PALM2AKAP2: variants seen among roughly 807,000 people sequenced by gnomAD.
PALM2AKAP2 encodes PALM2 and AKAP2 fusion.
Under a neutral mutation model 71.5 loss-of-function variants are expected in PALM2AKAP2, and 37 were observed. The observed-to-expected ratio is 0.52, with a 90% CI of 0.40 to 0.68. The LOEUF (loss-of-function observed/expected upper bound fraction) is 0.68, where lower values mean the gene tolerates loss of function less well. Among genes scored for constraint, PALM2AKAP2 ranks in the 30% least tolerant of loss-of-function variants. The pLI is 0.00. For missense variants in PALM2AKAP2, 1,224 were observed against 1,191.8 expected (o/e 1.03, Z -0.40); for synonymous variants, 468 against 478.8 (o/e 0.98, Z 0.29).
intron 6 of PALM2AKAP2, among the ~76,000 whole-genome samples, chr9:109,987,317 G>C (rs769552952): frequency 7.2e-5 from 11 of 152,082 alleles, no homozygotes; most frequent in Non-Finnish European, 1.0e-4. Flanking sequence ...TTTTAGTAGA[G>C]AGGGGGTTTC....
At chr9:109,998,633 G>T (rs1472210392) in intron 6 of PALM2AKAP2, among the ~76,000 whole-genome samples, 3 of 135,900 alleles carry the variant, frequency 2.2e-5, no homozygotes, top group Admixed American at 7.3e-5. Context: ...GGGCGGGGGA[G>T]TGGGGAGCCT....
chr9:109,710,946 C>G (rs1474553393), intron 1 of PALM2AKAP2, among the ~76,000 whole-genome samples: 1 of 149,962 alleles, frequency 6.7e-6, no homozygotes. Flanking sequence ...TCCAACGTGG[C>G]CACAATTTGA....
At chr9:109,992,411 T>C (rs1320398112) in intron 6 of PALM2AKAP2, among the ~76,000 whole-genome samples, 1 of 152,186 alleles carries the variant, frequency 6.6e-6, no homozygotes, top group Non-Finnish European at 1.5e-5. Context: ...AAAATATCTT[T>C]TTAATTTTAT....
intron 6 of PALM2AKAP2, among the ~76,000 whole-genome samples, chr9:109,949,387 G>A (rs929506020): frequency 6.6e-6 from 1 of 152,216 alleles, no homozygotes; most frequent in Non-Finnish European, 1.5e-5. Context: ...ACTGAGGAAT[G>A]TGCCCATTCG....
intron 1 of PALM2AKAP2, chr9:109,640,983 C>A: frequency 7.3e-7 from 1 of 1,362,678 alleles, no homozygotes; most frequent in African/African-American, 1.5e-5. Context: ...TTAATTTCAG[C>A]CCCGTGTGTA....
intron 1 of PALM2AKAP2, among the ~76,000 whole-genome samples, chr9:110,071,713 A>G (rs1258318935): frequency 2.0e-5 from 3 of 152,140 alleles, no homozygotes; most frequent in African/African-American, 4.8e-5. Flanking sequence ...TAGCACTACC[A>G]TTGTTTCTTG....
chr9:109,867,682 C>A, intron 2 of PALM2AKAP2, 111 bp downstream of exon 2: 1 of 1,244,066 alleles, frequency 8.0e-7, no homozygotes, highest in Non-Finnish European at 1.1e-6. Context: ...ACCAAACCAG[C>A]CTTTTTCATT....
intron 3 of PALM2AKAP2, among the ~76,000 whole-genome samples, chr9:109,905,959 T>C (rs1830436914): frequency 6.6e-6 from 1 of 152,108 alleles, no homozygotes; most frequent in Non-Finnish European, 1.5e-5. Context: ...ACCCTGTCTC[T>C]ACTAAAAATA....
At chr9:110,023,240 G>GT (rs1833106505) in intron 7 of PALM2AKAP2, among the ~76,000 whole-genome samples, 1 of 144,646 alleles carries the variant, frequency 6.9e-6, no homozygotes, top group African/African-American at 2.6e-5. Flanking sequence ...TCCAGCACCT[G>GT]TTTTTTCCTG....
upstream of PALM2AKAP2, among the ~76,000 whole-genome samples, chr9:110,046,239 C>A (rs1472524442): frequency 6.6e-6 from 1 of 152,016 alleles, no homozygotes; most frequent in Non-Finnish European, 1.5e-5. Flanking sequence ...ATGTACCAAG[C>A]CTTTTATATT....
At chr9:109,672,510 C>A (rs573386012) in intron 1 of PALM2AKAP2, among the ~76,000 whole-genome samples, 1 of 151,868 alleles carries the variant, frequency 6.6e-6, no homozygotes, top group Non-Finnish European at 1.5e-5. Flanking sequence ...TTGCCAGTAT[C>A]GTGTTGAGGA....
intron 6 of PALM2AKAP2, among the ~76,000 whole-genome samples, chr9:109,983,316 C>T (rs1832310416): frequency 6.6e-6 from 1 of 152,046 alleles, no homozygotes; most frequent in African/African-American, 2.4e-5. Flanking sequence ...AATCTGTTTT[C>T]CACTTTCCTT....
rs573434913 is a variant in PALM2AKAP2 at position 110,144,376 on chromosome 9, T to A, written c.2569+5837T>A. 6.6e-5 allele frequency among the ~76,000 whole-genome samples: 10 copies of A among 152,322 alleles called. No homozygotes were observed. The East Asian group carries it at 1.9e-3, about 29-fold the overall frequency. Reference sequence around the variant, plus strand: ...GTCCACCACCATATTTCTAGAACATTCTCTGGTTACAAAAGTCTAATCATG... The same window carrying A: ...GTCCACCACCATATTTCTAGAACATACTCTGGTTACAAAAGTCTAATCATG... On this transcript the variant is annotated intron_variant, in intron 2 of 3. Transcript: ENST00000374525.
At chr9:110,169,241 T>C (rs1048695198) in exon 4 of PALM2AKAP2, 3 of 152,656 alleles carry the variant, frequency 2.0e-5, no homozygotes, top group African/African-American at 7.2e-5. Context: ...TAATATTCAC[T>C]GATCTGCAGT....
At chr9:109,994,713 C>T (rs1051578227) in intron 6 of PALM2AKAP2, among the ~76,000 whole-genome samples, 1 of 152,132 alleles carries the variant, frequency 6.6e-6, no homozygotes, top group African/African-American at 2.4e-5. Context: ...CTCTGTCTCC[C>T]CTCCGCCACC....
chr9:109,835,231 G>A (rs1337836282), intron 1 of PALM2AKAP2, among the ~76,000 whole-genome samples: 1 of 145,744 alleles, frequency 6.9e-6, no homozygotes, highest in Admixed American at 6.8e-5. Context: ...AAAGAGGAGA[G>A]GGTTTAGGGA....
chr9:109,921,571 T>C (rs1830829961), intron 3 of PALM2AKAP2, among the ~76,000 whole-genome samples: 1 of 152,222 alleles, frequency 6.6e-6, no homozygotes, highest in Non-Finnish European at 1.5e-5. Context: ...CTAAGAAATG[T>C]TCAGAGGGAA....
chr9:110,043,716 G>GT (rs61128628), upstream of PALM2AKAP2, among the ~76,000 whole-genome samples: 2,611 of 91,234 alleles, frequency 0.029, 148 homozygotes, highest in African/African-American at 0.067. Flanking sequence ...TTTTTTTGGT[G>GT]TTTTTTTTTT....
At chr9:109,945,094 G>A (rs1831473105) in intron 6 of PALM2AKAP2, 1 of 151,976 alleles carries the variant, frequency 6.6e-6, no homozygotes, top group Non-Finnish European at 1.5e-5. Flanking sequence ...CTTGCTCAGT[G>A]CTAAATCTAT....
Sources: gnomAD v4.1 joint callset for allele counts (sites outside exome capture counted in the v4.1 genomes callset) on GRCh38, gnomAD v4.1.1 for gene constraint, MANE v1.5 for transcripts, NCBI Gene and HGNC (gene_info 2026-07-23, HGNC 2026-07-21) for gene names.